The following CWC25 variants were observed in gnomAD, a reference collection of about 807,000 sequenced individuals.
CWC25 encodes the protein pre-mRNA-splicing factor CWC25 homolog.
CWC25 carries 31 observed loss-of-function variants against 54.6 expected under a neutral mutation model. The observed-to-expected ratio is 0.57, with a 90% CI of 0.43 to 0.77. The LOEUF (loss-of-function observed/expected upper bound fraction) is 0.77, where lower values mean the gene tolerates loss of function less well. Among genes scored for constraint, CWC25 ranks in the 30% least tolerant of loss-of-function variants. The probability of loss-of-function intolerance (pLI) is 0.00; values close to 1 mark genes in which losing one functional copy is unlikely to be tolerated. For synonymous variants in CWC25, 151 were observed against 187.0 expected (o/e 0.81, Z 1.57); for missense variants, 453 against 529.3 (o/e 0.86, Z 1.41).
intron 6 of CWC25, 149 bp downstream of exon 6, chr17:38,809,553 C>T: frequency 1.6e-6 from 1 of 621,534 alleles, no homozygotes. Flanking sequence ...CTCAGAGGGT[C>T]ATCAGCCACA....
At chr17:38,802,905 A>C in intron 8 of CWC25, 44 bp from the exon 9 acceptor site, 1 of 1,609,520 alleles carries the variant, frequency 6.2e-7, no homozygotes, top group Non-Finnish European at 8.5e-7. Flanking sequence ...TTCCAGCAAA[A>C]AAACCAGAAG....
intron 2 of CWC25, among the ~76,000 whole-genome samples, chr17:38,819,721 C>T (rs1433357457): frequency 3.3e-5 from 5 of 150,648 alleles, no homozygotes; most frequent in African/African-American, 1.2e-4. Context: ...CTCAATCTGT[C>T]GCCCAGGCTG....
intron 2 of CWC25, among the ~76,000 whole-genome samples, chr17:38,819,416 G>A (rs1281429517): frequency 6.6e-5 from 10 of 150,912 alleles, no homozygotes; most frequent in Non-Finnish European, 1.5e-4. Context: ...CGCCAGGCTG[G>A]AGTACACTGG....
In CWC25 at chr17:38,809,551, G is replaced by T. The variant is rs949435265; in HGVS notation, c.690+151C>A. On this transcript the variant is annotated intron_variant, in intron 6 of 9. Transcript: ENST00000614790. ...GTGGTTTAGTCTCTCTGCTCAGAGGGTCATCAGCCACAAGAAGGTGCTCAG... is the reference window on the plus strand; with the variant it reads ...GTGGTTTAGTCTCTCTGCTCAGAGGTTCATCAGCCACAAGAAGGTGCTCAG... 3 of 618,536 alleles carry T rather than the reference G, an allele frequency of 4.9e-6. No homozygotes were observed. The African/African-American group carries it at 5.6e-5, about 12-fold the overall frequency. 38.3% of individuals were successfully genotyped at this position (618,536 alleles called of 1,614,324 possible). A position where few individuals can be genotyped will look rare whatever the true frequency, so the allele number is the denominator to read the frequency against.
chr17:38,802,921 C>A (rs771353895), intron 8 of CWC25, 60 bp from the exon 9 acceptor site: 12 of 1,599,908 alleles, frequency 7.5e-6, no homozygotes, highest in Non-Finnish European at 1.0e-5. Context: ...AGAAGCAGCA[C>A]AAGAAGCACA....
chr17:38,810,054 C>T (rs535650262), intron 5 of CWC25, among the ~76,000 whole-genome samples: 7 of 152,010 alleles, frequency 4.6e-5, no homozygotes, highest in African/African-American at 1.7e-4. Flanking sequence ...TCAGCAGCGG[C>T]GGAGCTGACT....
intron 5 of CWC25, 172 bp downstream of exon 5, chr17:38,810,296 T>A (rs1911427943): frequency 3.1e-6 from 2 of 651,202 alleles, no homozygotes; most frequent in Non-Finnish European, 5.1e-6. Flanking sequence ...TCCAAGGAAC[T>A]CTAGCATTAG....
chr17:38,816,765 A>G (rs1158759485), intron 2 of CWC25, among the ~76,000 whole-genome samples: 1 of 148,882 alleles, frequency 6.7e-6, no homozygotes, highest in Non-Finnish European at 1.5e-5. Flanking sequence ...GCTCACGGCA[A>G]CCTCTGCCTC....
chr17:38,823,118 G>T (rs1269063052), intron 1 of CWC25, among the ~76,000 whole-genome samples: 1 of 148,462 alleles, frequency 6.7e-6, no homozygotes, highest in African/African-American at 2.5e-5. Flanking sequence ...GATTACAGGT[G>T]TGAGCCACCA....
At chr17:38,817,339 C>CA (rs1162629766) in intron 2 of CWC25, among the ~76,000 whole-genome samples, 4,722 of 130,666 alleles carry the variant, frequency 0.036, 90 homozygotes, top group Non-Finnish European at 0.051. Flanking sequence ...GACTCGGTCT[C>CA]AAAAAAAAAA....
chr17:38,803,779 C>T (rs1412180841), intron 8 of CWC25, among the ~76,000 whole-genome samples: 14 of 147,248 alleles, frequency 9.5e-5, no homozygotes, highest in African/African-American at 3.0e-4. Flanking sequence ...GGCTCTAGCC[C>T]GTAATCCCAG....
intron 4 of CWC25, 122 bp downstream of exon 4, chr17:38,812,673 A>G: frequency 3.3e-6 from 2 of 604,876 alleles, no homozygotes; most frequent in South Asian, 4.4e-5. Context: ...CATGGTCTCT[A>G]AAAGACAAAA....
intron 5 of CWC25, 74 bp downstream of exon 5, chr17:38,810,394 T>A: frequency 6.9e-7 from 1 of 1,451,958 alleles, no homozygotes; most frequent in Non-Finnish European, 9.2e-7. Flanking sequence ...AGGGCAGGTG[T>A]TCATGTCTGT....
At chr17:38,809,886 C>A (rs974003280) in intron 5 of CWC25, 121 bp from the exon 6 acceptor site, 1 of 809,844 alleles carries the variant, frequency 1.2e-6, no homozygotes, top group South Asian at 1.8e-5. Flanking sequence ...CCAGCAGTTA[C>A]CTGGCAGTAC....
At chr17:38,819,992 T>C (rs1301980030) in intron 2 of CWC25, among the ~76,000 whole-genome samples, 1 of 152,104 alleles carries the variant, frequency 6.6e-6, no homozygotes, top group Non-Finnish European at 1.5e-5. Context: ...TATTGTTTTG[T>C]AGAGATGGGT....
intron 8 of CWC25, among the ~76,000 whole-genome samples, 179 bp downstream of exon 8, chr17:38,806,118 C>T (rs549275852): frequency 2.6e-5 from 4 of 152,262 alleles, no homozygotes; most frequent in East Asian, 1.9e-4. Flanking sequence ...AGCCTTACCT[C>T]GTCCTTTCAA....
chr17:38,815,861 C>T (rs1447544969), intron 2 of CWC25: 3 of 305,170 alleles, frequency 9.8e-6, no homozygotes, highest in African/African-American at 2.2e-5. Context: ...CAGACACCAG[C>T]GGTAACACTA....
intron 8 of CWC25, among the ~76,000 whole-genome samples, chr17:38,805,848 T>C (rs1209019364): frequency 6.6e-6 from 1 of 151,896 alleles, no homozygotes; most frequent in Non-Finnish European, 1.5e-5. Context: ...AGTCTTGCAC[T>C]GTCGCCTGGG....
Position 38,815,733 on chromosome 17 carries a change from C to A in CWC25, c.192-636G>T, listed in dbSNP as rs185603207. ...AGTCTTTATATTATGCTTTCATTTC[C>A]AAGATGACCTAAAACAATGAATAAG... On this transcript the variant is annotated intron_variant, in intron 2 of 9. Transcript: ENST00000614790. 2.7e-4 allele frequency: 334 copies of A among 1,242,972 alleles called. 1 individual carries two copies. The highest frequency in any genetic ancestry group is 2.4e-4 in the Non-Finnish European group (233 of 960,348). 77.0% of individuals were successfully genotyped at this position (1,242,972 alleles called of 1,614,324 possible).
Sources: gnomAD v4.1 joint callset for allele counts (sites outside exome capture counted in the v4.1 genomes callset) on GRCh38, gnomAD v4.1.1 for gene constraint, MANE v1.5 for transcripts, NCBI Gene and HGNC (gene_info 2026-07-23, HGNC 2026-07-21) for gene names.